TDP1: variants seen among roughly 807,000 people sequenced by gnomAD.
The protein encoded by TDP1 is tyrosyl-DNA phosphodiesterase 1.
In TDP1, 64 loss-of-function variants were observed where a neutral mutation model predicts 81.5. That is an observed-to-expected ratio of 0.79 (90% confidence interval 0.64 to 0.97). The LOEUF (loss-of-function observed/expected upper bound fraction) is 0.97, where lower values mean the gene tolerates loss of function less well. Among genes scored for constraint, TDP1 ranks in the 50% least tolerant of loss-of-function variants. The pLI, the probability that TDP1 is intolerant of heterozygous loss-of-function variation, is 0.00. For synonymous variants in TDP1, 256 were observed against 264.3 expected, an observed-to-expected ratio of 0.97 and a Z score of 0.30; for missense variants, 723 against 743.8, an observed-to-expected ratio of 0.97 and a Z score of 0.33.
intron 14 of TDP1, among the ~76,000 whole-genome samples, chr14:89,997,461 G>T (rs1273720042): frequency 1.3e-5 from 2 of 152,202 alleles, no homozygotes; most frequent in Admixed American, 6.5e-5. Context: ...ACCACAGTGG[G>T]ATGATGGTGA....
intron 12 of TDP1, 87 bp from the exon 13 acceptor site, chr14:89,991,830 C>T (rs1051984009): frequency 1.8e-5 from 24 of 1,361,986 alleles, no homozygotes; most frequent in South Asian, 3.9e-5. Context: ...CTGTTACCTT[C>T]TTGCTGTTTA....
intron 12 of TDP1, among the ~76,000 whole-genome samples, chr14:89,991,198 G>A (rs1270385664): frequency 6.6e-6 from 1 of 152,130 alleles, no homozygotes; most frequent in African/African-American, 2.4e-5. Context: ...CATAAGGAGG[G>A]TAGGATGGGC....
intron 15 of TDP1, among the ~76,000 whole-genome samples, chr14:90,029,690 G>C (rs1022771063): frequency 6.6e-6 from 1 of 151,370 alleles, no homozygotes; most frequent in African/African-American, 2.4e-5. Flanking sequence ...GTAGAGACAG[G>C]GTTTCACTAT....
chr14:90,026,922 G>A (rs150514976), intron 15 of TDP1, among the ~76,000 whole-genome samples: 2,244 of 152,232 alleles, frequency 0.015, 51 homozygotes, highest in African/African-American at 0.05. Context: ...ATAAACATAC[G>A]TGTGCATGTG....
At chr14:89,963,731 G>C in intron 3 of TDP1, 58 bp downstream of exon 3, 1 of 1,573,088 alleles carries the variant, frequency 6.4e-7, no homozygotes, top group East Asian at 2.2e-5. Flanking sequence ...TCTCTCCTCC[G>C]TGAAACAAGG....
chr14:89,971,182 C>G lies in TDP1; in HGVS notation c.667C>G (p.Pro223Ala), dbSNP rs752425103. 2 of 1,613,678 alleles carry G rather than the reference C, an allele frequency of 1.2e-6. No homozygotes were observed. The highest frequency in any genetic ancestry group is 1.1e-5 in the South Asian group (1 of 91,064). The change falls in exon 6 of 17, where the codon CCA becomes GCA. Residue 223 changes from proline (P) to alanine (A), a missense_variant. Coordinates refer to ENST00000335725, the MANE Select transcript of TDP1 (RefSeq NM_018319.4). ...CTAATGCTCTCTTTTTAGGAAGAAG[C>G]CAATCCTGCTTGTGCATGGTGATAA... Reference protein sequence around the residue: ...KQYPPEFRKKPILLVHGDKRE... With the variant: ...KQYPPEFRKKAILLVHGDKRE...
chr14:90,013,876 C>G (rs1885006003), intron 14 of TDP1, among the ~76,000 whole-genome samples: 1 of 152,148 alleles, frequency 6.6e-6, no homozygotes, highest in South Asian at 2.1e-4. Context: ...TTGCCTGCTA[C>G]CACCTTTGTA....
rs1280501969 is a variant in TDP1 at position 90,001,092 on chromosome 14, T to TA, written c.1541+7610dup. Among the ~76,000 whole-genome samples the TA allele has an allele frequency of 9.2e-5, 14 of 152,348 alleles. 1 individual carries two copies. In the East Asian group the frequency reaches 2.5e-3, roughly 27 times the overall value. ...GTCTACGTAATATCTTATTGCCTGT[T>TA]ATGTCTCTACCCATCATAAGTAGAG... On this transcript the variant is annotated intron_variant, in intron 14 of 16. Coordinates refer to ENST00000335725, the MANE Select transcript of TDP1 (RefSeq NM_018319.4).
At chr14:89,989,916 C>T (rs1224657593) in intron 12 of TDP1, 151 bp downstream of exon 12, 1 of 707,338 alleles carries the variant, frequency 1.4e-6, no homozygotes, top group Admixed American at 2.1e-5. Context: ...GCTCTGCATT[C>T]CGCAGATGAT....
intron 15 of TDP1, among the ~76,000 whole-genome samples, chr14:90,026,794 CT>C (rs1475966544): frequency 6.6e-6 from 1 of 152,152 alleles, no homozygotes; most frequent in East Asian, 1.9e-4. Context: ...TGAACTCATC[CT>C]TTTTTATGGC....
rs1388117955 is a variant in TDP1, at chr14:90,042,963, T to C, written c.1754-107T>C. ...TCTGGGCTTGGTTCAGAAAATACTC[T>C]ACCACAGTTTAGAGAGTCAAGCACA... On this transcript the variant is annotated intron_variant, in intron 16 of 16. Transcript: ENST00000335725. 22 of 1,584,394 alleles carry C rather than the reference T, an allele frequency of 1.4e-5. No individual in the cohort carries two copies. In the East Asian group the frequency reaches 4.5e-4, roughly 33 times the overall value.
chr14:89,962,178 T>C (rs1054237029), intron 2 of TDP1, among the ~76,000 whole-genome samples: 3 of 152,196 alleles, frequency 2.0e-5, no homozygotes, highest in African/African-American at 7.2e-5. Context: ...ATTTATGATG[T>C]AGCCAATAGG....
intron 2 of TDP1, among the ~76,000 whole-genome samples, chr14:89,957,748 G>A (rs1446970091): frequency 6.6e-6 from 1 of 152,208 alleles, no homozygotes; most frequent in Non-Finnish European, 1.5e-5. Flanking sequence ...AGATTTCTTA[G>A]ATTTTTCATG....
rs748238087 is a variant in TDP1 at position 90,033,198 on chromosome 14, A to C, written c.1737A>C (p.Glu579Asp). ...TFPVPYDLPPELYGSKDRPWI... is the reference protein window; with the variant it reads ...TFPVPYDLPPDLYGSKDRPWI... ...CTGTGCCATATGATTTGCCTCCAGA[A>C]CTGTATGGAAGTAAAGGTGAGACAC... is the stretch of plus-strand genomic sequence containing the variant. The change falls in exon 16 of 17, where the codon GAA becomes GAC. Residue 579 changes from glutamate to aspartate, a missense_variant. Glu to Asp is a conservative substitution (Grantham distance 45). Transcript: ENST00000335725. 6.2e-7 allele frequency: 1 copy of C among 1,604,630 alleles called. No individual in the cohort carries two copies. The highest frequency in any genetic ancestry group is 8.5e-7 in the Non-Finnish European group (1 of 1,171,540).
chr14:89,976,544 T>A (rs1039052349), intron 7 of TDP1, among the ~76,000 whole-genome samples: 75 of 130,824 alleles, frequency 5.7e-4, no homozygotes, highest in African/African-American at 1.6e-3. Context: ...TTTTTTTTTT[T>A]TTTTTTTTTT....
rs35218343 is a variant in TDP1 at position 89,989,687 on chromosome 14, C to T, written c.1318-30C>T. The T allele has an allele frequency of 7.6e-3, 11,851 of 1,563,782 alleles. 705 individuals are homozygous for T. In the African/African-American group the frequency reaches 0.13, roughly 17 times the overall value. ...TCCTTTTCTTCAACATGGTACATTC[C>T]GAGTTTTATTGTTTTCCTCTTATTT... On this transcript the variant is annotated intron_variant, in intron 11 of 16. Transcript: ENST00000335725.
chr14:89,955,411 G>A (rs1276668721), upstream of TDP1: 1 of 152,230 alleles, frequency 6.6e-6, no homozygotes, highest in Non-Finnish European at 1.5e-5. Flanking sequence ...TTAAAGGCAA[G>A]GAACGTGGGG....
intron 14 of TDP1, among the ~76,000 whole-genome samples, chr14:90,008,296 A>C (rs999945170): frequency 6.6e-6 from 1 of 151,978 alleles, no homozygotes. Context: ...CATTCTACCT[A>C]ATTTCTTTAG....
At chr14:89,980,304 T>G in intron 7 of TDP1, 1 of 985,394 alleles carries the variant, frequency 1.0e-6, no homozygotes, top group Non-Finnish European at 1.2e-6. Context: ...GGACTGGCAC[T>G]AGGGTTGAAA....
Sources: gnomAD v4.1 joint callset for allele counts (sites outside exome capture counted in the v4.1 genomes callset) on GRCh38, gnomAD v4.1.1 for gene constraint, MANE v1.5 for transcripts, NCBI Gene and HGNC (gene_info 2026-07-23, HGNC 2026-07-21) for gene names.